PTPRM: variants seen among roughly 807,000 people sequenced by gnomAD.
The protein encoded by PTPRM is receptor-type tyrosine-protein phosphatase mu.
PTPRM carries 47 observed loss-of-function variants against 186.7 expected under a neutral mutation model. The observed-to-expected ratio is 0.25, with a 90% confidence interval of 0.20 to 0.32. The LOEUF is 0.32. Ranked by LOEUF, PTPRM falls within the 10% of genes least tolerant of loss-of-function variation. The pLI is 1.00. For missense variants in PTPRM, 1,494 were observed against 1,865.0 expected, an observed-to-expected ratio of 0.80 and a Z score of 3.66; for synonymous variants, 668 against 674.9, an observed-to-expected ratio of 0.99 and a Z score of 0.16.
At chr18:8,114,106 A>C (rs1158239456) in intron 12 of PTPRM, among the ~76,000 whole-genome samples, 4 of 152,258 alleles carry the variant, frequency 2.6e-5, no homozygotes, top group African/African-American at 9.6e-5. Context: ...AAATTTTGTG[A>C]GATTCACAGC....
intron 2 of PTPRM, among the ~76,000 whole-genome samples, chr18:7,793,521 T>C (rs572115612): frequency 6.6e-6 from 1 of 152,324 alleles, no homozygotes; most frequent in South Asian, 2.1e-4. Flanking sequence ...TAAATGACAA[T>C]GTTCCACTGT....
chr18:7,927,348 C>G (rs1045390665), intron 5 of PTPRM, among the ~76,000 whole-genome samples: 5 of 152,154 alleles, frequency 3.3e-5, no homozygotes, highest in African/African-American at 1.2e-4. Flanking sequence ...GGGGTTTGCC[C>G]TGCCTTGGTA....
chr18:8,205,869 G>A (rs1453184434), intron 14 of PTPRM, among the ~76,000 whole-genome samples: 4 of 152,062 alleles, frequency 2.6e-5, no homozygotes, highest in African/African-American at 4.8e-5. Flanking sequence ...AATTGCTAAC[G>A]TTTTTAAAGC....
chr18:7,823,827 A>G (rs1202518013), intron 2 of PTPRM, among the ~76,000 whole-genome samples: 2 of 152,094 alleles, frequency 1.3e-5, no homozygotes, highest in Admixed American at 6.5e-5. Flanking sequence ...CAGATGGCCT[A>G]TTGTGGGACT....
intron 14 of PTPRM, among the ~76,000 whole-genome samples, chr18:8,196,333 C>T (rs1261286904): frequency 6.6e-6 from 1 of 152,196 alleles, no homozygotes; most frequent in African/African-American, 2.4e-5. Flanking sequence ...CTTTTATTTT[C>T]AGGTGAAGTC....
chr18:7,573,063 G>A (rs2036600782), intron 1 of PTPRM, among the ~76,000 whole-genome samples: 1 of 152,164 alleles, frequency 6.6e-6, no homozygotes, highest in African/African-American at 2.4e-5. Context: ...AGTCTGTAGT[G>A]CCCCCATCAT....
At chr18:8,265,245 T>G (rs2094686547) in intron 19 of PTPRM, among the ~76,000 whole-genome samples, 1 of 152,202 alleles carries the variant, frequency 6.6e-6, no homozygotes, top group South Asian at 2.1e-4. Context: ...CTCTGTGACA[T>G]GAGGTCCCTG....
intron 1 of PTPRM, among the ~76,000 whole-genome samples, chr18:7,674,542 G>GAACA (rs2039292184): frequency 6.6e-6 from 1 of 152,138 alleles, no homozygotes; most frequent in African/African-American, 2.4e-5. Flanking sequence ...GAAGGAGGGA[G>GAACA]AACACCAAAG....
At chr18:7,934,569 T>C (rs2051687202) in intron 5 of PTPRM, among the ~76,000 whole-genome samples, 1 of 152,236 alleles carries the variant, frequency 6.6e-6, no homozygotes, top group Non-Finnish European at 1.5e-5. Context: ...AAAAATTATA[T>C]GAATAGTGTT....
intron 1 of PTPRM, among the ~76,000 whole-genome samples, chr18:7,603,167 A>G (rs965730845): frequency 6.6e-6 from 1 of 152,028 alleles, no homozygotes; most frequent in Non-Finnish European, 1.5e-5. Context: ...TGGCCTCGTG[A>G]TCTGCCTGCC....
chr18:8,369,155 A>G (rs535660374), intron 23 of PTPRM, among the ~76,000 whole-genome samples: 3 of 152,336 alleles, frequency 2.0e-5, no homozygotes, highest in East Asian at 3.9e-4. Flanking sequence ...CAGGGCAAAC[A>G]CTTGTCCTTG....
At chr18:7,588,187 A>G (rs537478241) in intron 1 of PTPRM, among the ~76,000 whole-genome samples, 1 of 152,326 alleles carries the variant, frequency 6.6e-6, no homozygotes, top group East Asian at 1.9e-4. Flanking sequence ...ATGACTGTTT[A>G]TACTGAACTC....
At chr18:7,828,530 C>T (rs899778762) in intron 2 of PTPRM, among the ~76,000 whole-genome samples, 4 of 152,126 alleles carry the variant, frequency 2.6e-5, no homozygotes, top group African/African-American at 7.2e-5. Context: ...CATGCTCCCT[C>T]ATGGATGCCA....
In PTPRM at chr18:8,284,552, A is replaced by G. The variant is rs117467139; in HGVS notation, c.2755-11816A>G. Among the ~76,000 whole-genome samples, 952 of 152,122 alleles carry G rather than the reference A, an allele frequency of 6.3e-3. 8 individuals are homozygous for G. The highest frequency in any genetic ancestry group is 0.011 in the Admixed American group (164 of 15,292). On this transcript the variant is annotated intron_variant, in intron 19 of 32. Transcript: ENST00000580170. ...ATAATGCCCTCCATGTAAAATGTCT[A>G]TTTTCAGTATTACCCTCTCCCTGCC...
At chr18:8,226,579 G>A (rs1235799092) in intron 14 of PTPRM, among the ~76,000 whole-genome samples, 2 of 152,184 alleles carry the variant, frequency 1.3e-5, no homozygotes, top group Non-Finnish European at 1.5e-5. Flanking sequence ...GTTGATAGAT[G>A]GGTGTTTTAG....
chr18:7,997,208 C>T (rs891316286), intron 7 of PTPRM, among the ~76,000 whole-genome samples: 1 of 152,096 alleles, frequency 6.6e-6, no homozygotes, highest in Admixed American at 6.6e-5. Context: ...ACCAACGGAA[C>T]AGAAGAGAAC....
chr18:8,396,693 A>T (rs945153078), intron 32 of PTPRM, among the ~76,000 whole-genome samples: 1 of 152,212 alleles, frequency 6.6e-6, no homozygotes, highest in Non-Finnish European at 1.5e-5. Context: ...CAGACCTCCA[A>T]AGTCAGCAGC....
intron 24 of PTPRM, 51 bp downstream of exon 24, chr18:8,371,057 A>G (rs770813430): frequency 1.2e-5 from 13 of 1,119,716 alleles, no homozygotes; most frequent in Non-Finnish European, 1.7e-5. Context: ...TAGTGGTACC[A>G]TACTAGCCTC....
At chr18:8,247,803 T>A in intron 15 of PTPRM, 42 bp from the exon 16 acceptor site, 1 of 1,423,926 alleles carries the variant, frequency 7.0e-7, no homozygotes, top group African/African-American at 1.4e-5. Flanking sequence ...CAGAGTGTAT[T>A]ACCTCTCTGC....
Sources: gnomAD v4.1 joint callset for allele counts (sites outside exome capture counted in the v4.1 genomes callset) on GRCh38, gnomAD v4.1.1 for gene constraint, MANE v1.5 for transcripts, NCBI Gene and HGNC (gene_info 2026-07-23, HGNC 2026-07-21) for gene names.